CASK: variants seen among roughly 807,000 people sequenced by gnomAD.
CASK encodes calcium/calmodulin dependent serine protein kinase, also known as peripheral plasma membrane protein CASK.
A neutral mutation model predicts 82.9 loss-of-function variants in CASK; 4 were observed. The observed-to-expected ratio is 0.05, with a 90% CI of 0.02 to 0.11. The LOEUF (loss-of-function observed/expected upper bound fraction) is 0.11. Ranked by LOEUF, CASK falls within the 10% of genes least tolerant of loss-of-function variation. The pLI, the probability that CASK is intolerant of heterozygous loss-of-function variation, is 1.00. For synonymous variants in CASK, 259 were observed against 253.5 expected, an observed-to-expected ratio of 1.02 and a Z score of -0.20; for missense variants, 358 against 720.9, an observed-to-expected ratio of 0.50 and a Z score of 5.76.
intron 5 of CASK, among the ~76,000 whole-genome samples, chrX:41,719,499 C>T (rs979418422): frequency 4.5e-5 from 5 of 112,062 alleles, no homozygotes; most frequent in African/African-American, 1.3e-4. Context: ...TTCTTAAAAG[C>T]GTTTGAAATG....
chrX:41,793,087 C>T (rs2069769207), intron 2 of CASK, among the ~76,000 whole-genome samples: 1 of 112,237 alleles, frequency 8.9e-6, no homozygotes, highest in South Asian at 3.6e-4. Context: ...CTTTTAATAA[C>T]CCAAATCCAT....
intron 3 of CASK, among the ~76,000 whole-genome samples, chrX:41,772,953 A>G (rs1026905095): frequency 1.8e-5 from 2 of 111,872 alleles, no homozygotes; most frequent in Non-Finnish European, 3.8e-5. Context: ...GTGAGCTGAT[A>G]TTGCGCCACT....
intron 12 of CASK, among the ~76,000 whole-genome samples, chrX:41,602,191 T>C (rs1051587672): frequency 8.9e-6 from 1 of 112,052 alleles, no homozygotes; most frequent in African/African-American, 3.2e-5. Flanking sequence ...ACTGAATCTA[T>C]AGATCAATGT....
intron 11 of CASK, among the ~76,000 whole-genome samples, chrX:41,616,854 C>T (rs2066209067): frequency 8.9e-6 from 1 of 112,116 alleles, no homozygotes; most frequent in Non-Finnish European, 1.9e-5. Flanking sequence ...AGTGATCCGC[C>T]TGCCTAGGCC....
intron 5 of CASK, among the ~76,000 whole-genome samples, chrX:41,716,860 C>G (rs2068070657): frequency 8.9e-6 from 1 of 111,773 alleles, no homozygotes; most frequent in South Asian, 3.7e-4. Flanking sequence ...ATGTCAGATA[C>G]AATCAGTTTC....
chrX:41,648,171 G>C (rs374641517), intron 8 of CASK, among the ~76,000 whole-genome samples: 1 of 110,715 alleles, frequency 9.0e-6, no homozygotes, highest in African/African-American at 3.3e-5. Flanking sequence ...ACTGGCCCCC[G>C]CCCACCCCGA....
chrX:41,850,822 CAG>C (rs1456630931), intron 2 of CASK, among the ~76,000 whole-genome samples: 1 of 111,227 alleles, frequency 9.0e-6, no homozygotes, highest in African/African-American at 3.3e-5. Context: ...GCACTGTTCA[CAG>C]AGACTTTATA....
intron 1 of CASK, among the ~76,000 whole-genome samples, chrX:41,914,910 C>T (rs1408138580): frequency 8.9e-6 from 1 of 112,082 alleles, no homozygotes; most frequent in East Asian, 2.8e-4. Flanking sequence ...CTAGTATCCA[C>T]AGAAAAGAAG....
chrX:41,684,123 G>A (rs184371131), intron 5 of CASK, among the ~76,000 whole-genome samples: 40 of 112,262 alleles, frequency 3.6e-4, no homozygotes, highest in African/African-American at 1.2e-3. Context: ...GAATCATCAA[G>A]GATGCTAACT....
At chrX:41,625,617 C>T (rs1262601491) in intron 10 of CASK, among the ~76,000 whole-genome samples, 1 of 110,970 alleles carries the variant, frequency 9.0e-6, no homozygotes, top group Non-Finnish European at 1.9e-5. Flanking sequence ...GTGCCTCAGC[C>T]TCCTGAGTAG....
chrX:41,770,306 A>ATCCAT (rs1184832031), intron 3 of CASK, among the ~76,000 whole-genome samples: 2 of 103,078 alleles, frequency 1.9e-5, no homozygotes, highest in African/African-American at 7.2e-5. Context: ...CTACCTACCT[A>ATCCAT]CCTACCTATC....
intron 5 of CASK, among the ~76,000 whole-genome samples, chrX:41,723,156 A>T (rs2068197069): frequency 8.9e-6 from 1 of 112,571 alleles, no homozygotes; most frequent in Non-Finnish European, 1.9e-5. Flanking sequence ...ACATGAAATA[A>T]GGTAAGCATT....
At chrX:41,798,463 G>A (rs769121773) in intron 2 of CASK, among the ~76,000 whole-genome samples, 5 of 112,634 alleles carry the variant, frequency 4.4e-5, no homozygotes, top group Admixed American at 9.4e-5. Flanking sequence ...ATTTAACCTC[G>A]CAATAATTCT....
chrX:41,816,741 T>C (rs1445334521), intron 2 of CASK, among the ~76,000 whole-genome samples: 2 of 111,302 alleles, frequency 1.8e-5, no homozygotes, highest in Non-Finnish European at 3.8e-5. Context: ...TCCATGCCAA[T>C]AAATTTACCC....
chrX:41,889,855 T>G (rs1231996641), intron 1 of CASK, among the ~76,000 whole-genome samples: 1 of 111,670 alleles, frequency 9.0e-6, no homozygotes, highest in Non-Finnish European at 1.9e-5. Context: ...AGAAGTTGAC[T>G]TATTCAAAAG....
intron 8 of CASK, among the ~76,000 whole-genome samples, chrX:41,651,485 T>C (rs2066864132): frequency 8.9e-6 from 1 of 111,964 alleles, no homozygotes; most frequent in Non-Finnish European, 1.9e-5. Flanking sequence ...TGCATATTTT[T>C]GAAGTAGCAG....
intron 1 of CASK, among the ~76,000 whole-genome samples, chrX:41,856,165 A>C (rs1379928357): frequency 1.8e-5 from 2 of 112,370 alleles, no homozygotes; most frequent in Non-Finnish European, 1.9e-5. Flanking sequence ...ATTATGCTAG[A>C]ATACAGCATG....
chrX:41,868,608 A>C (rs1168372813), intron 1 of CASK, among the ~76,000 whole-genome samples: 2 of 111,375 alleles, frequency 1.8e-5, no homozygotes, highest in Non-Finnish European at 3.8e-5. Context: ...TAAACAGAGC[A>C]AGGGCTTGAT....
intron 1 of CASK, among the ~76,000 whole-genome samples, chrX:41,906,647 A>C (rs1435123142): frequency 1.8e-5 from 2 of 112,205 alleles, no homozygotes; most frequent in Non-Finnish European, 3.8e-5. Flanking sequence ...AGGGCAGGAC[A>C]ACACAGAAAG....
Sources: gnomAD v4.1 joint callset for allele counts (sites outside exome capture counted in the v4.1 genomes callset) on GRCh38, gnomAD v4.1.1 for gene constraint, MANE v1.5 for transcripts, NCBI Gene and HGNC (gene_info 2026-07-23, HGNC 2026-07-21) for gene names.